Variants in CACUL1 observed in about 807,000 individuals in gnomAD.
CACUL1 encodes the protein CDK2-associated and cullin domain-containing protein 1.
Under a neutral mutation model 45.2 loss-of-function variants are expected in CACUL1, and 13 were observed. The ratio of observed to expected loss-of-function variants is 0.29; its 90% CI spans 0.19 to 0.46. The LOEUF is 0.46. Ranked by LOEUF, CACUL1 falls within the 20% of genes least tolerant of loss-of-function variation. The pLI is 1.00. For missense variants in CACUL1, 421 were observed against 471.4 expected (o/e 0.89, Z 0.99); for synonymous variants, 197 against 174.2 (o/e 1.13, Z -1.03).
intron 3 of CACUL1, among the ~76,000 whole-genome samples, chr10:118,708,147 CAAAAAAA>C (rs34008762): frequency 7.7e-5 from 8 of 104,028 alleles, no homozygotes; most frequent in Non-Finnish European, 1.1e-4. Context: ...AACACTGTCT[CAAAAAAA>C]AAAAAAAAAA....
chr10:118,736,636 T>A (rs1174419361), intron 1 of CACUL1, among the ~76,000 whole-genome samples: 1 of 152,134 alleles, frequency 6.6e-6, no homozygotes, highest in East Asian at 1.9e-4. Context: ...AGCCACAGCA[T>A]CTGGCCAGAA....
intron 8 of CACUL1, 32 bp from the exon 9 acceptor site, chr10:118,686,200 A>C: frequency 6.4e-7 from 1 of 1,573,552 alleles, no homozygotes; most frequent in South Asian, 1.1e-5. Flanking sequence ...AAAAAGTATG[A>C]AGAGCAGACA....
chr10:118,726,018 T>C (rs1845648775), intron 3 of CACUL1, among the ~76,000 whole-genome samples: 1 of 152,240 alleles, frequency 6.6e-6, no homozygotes, highest in Non-Finnish European at 1.5e-5. Context: ...ATCATTGATT[T>C]ATCAACTCCA....
intron 1 of CACUL1, among the ~76,000 whole-genome samples, chr10:118,744,268 C>T (rs1182294605): frequency 6.6e-6 from 1 of 152,130 alleles, no homozygotes; most frequent in African/African-American, 2.4e-5. Flanking sequence ...TGCTTGTAGT[C>T]CCAGCCACTC....
At chr10:118,743,506 C>A (rs371985528) in intron 1 of CACUL1, among the ~76,000 whole-genome samples, 40 of 152,120 alleles carry the variant, frequency 2.6e-4, no homozygotes, top group African/African-American at 9.4e-4. Context: ...GGTGCAGTGG[C>A]TCACCTAAGG....
intron 3 of CACUL1, among the ~76,000 whole-genome samples, chr10:118,727,987 C>T (rs966999791): frequency 6.6e-6 from 1 of 152,144 alleles, no homozygotes; most frequent in South Asian, 2.1e-4. Context: ...AAGCACTAAA[C>T]ATATGTGTTA....
intron 6 of CACUL1, among the ~76,000 whole-genome samples, chr10:118,691,825 C>G (rs1377615398): frequency 7.0e-6 from 1 of 142,056 alleles, no homozygotes; most frequent in African/African-American, 2.7e-5. Flanking sequence ...CGAGATCGCA[C>G]CACTGCACTC....
chr10:118,726,677 G>GA (rs1357785300), intron 3 of CACUL1, among the ~76,000 whole-genome samples: 2 of 151,930 alleles, frequency 1.3e-5, no homozygotes, highest in Non-Finnish European at 2.9e-5. Flanking sequence ...GGAAGCAGAA[G>GA]AAAAAATACC....
chr10:118,709,895 T>C (rs922087720), intron 3 of CACUL1, among the ~76,000 whole-genome samples: 5 of 152,134 alleles, frequency 3.3e-5, no homozygotes, highest in African/African-American at 1.2e-4. Flanking sequence ...ATTTCTTTTT[T>C]TTAAATTATT....
At chr10:118,737,151 A>C (rs866300575) in intron 1 of CACUL1, among the ~76,000 whole-genome samples, 4 of 151,468 alleles carry the variant, frequency 2.6e-5, no homozygotes, top group East Asian at 1.9e-4. Context: ...AAAAAAAAAA[A>C]CCTGTATCAT....
intron 3 of CACUL1, chr10:118,726,183 G>T: frequency 2.1e-6 from 1 of 475,446 alleles, no homozygotes; most frequent in Non-Finnish European, 3.7e-6. Context: ...ACCGTCTCTT[G>T]ATCTGTCCCC....
intron 7 of CACUL1, among the ~76,000 whole-genome samples, chr10:118,690,278 G>C (rs528305169): frequency 7.1e-6 from 1 of 141,416 alleles, no homozygotes; most frequent in Non-Finnish European, 1.5e-5. Context: ...TCCGCAGTCC[G>C]GCCTGGGCGA....
intron 1 of CACUL1, among the ~76,000 whole-genome samples, chr10:118,743,733 A>G (rs972951571): frequency 1.3e-5 from 2 of 152,164 alleles, no homozygotes; most frequent in Non-Finnish European, 2.9e-5. Flanking sequence ...CCGTCCCCAA[A>G]AAAAGGAAAA....
In CACUL1 at chr10:118,754,508, A is replaced by C. The variant is rs776174213; in HGVS notation, c.255T>G (p.Asn85Lys). Residue 85 changes from asparagine to lysine, a missense_variant, in exon 1 of 9, where the codon AAT (asparagine) becomes AAG (lysine). By Grantham distance (94) the Asn-to-Lys change is moderately conservative. Around this residue, in one of 2 missense-constraint regions of CACUL1, gnomAD observed 213 missense variants for 173.1 expected, o/e 1.23. Coordinates refer to ENST00000369151, the MANE Select transcript of CACUL1 (RefSeq NM_153810.5). Reference protein sequence around the residue: ...PMGPQPPPEANGVIMMLKSCD... With the variant: ...PMGPQPPPEAKGVIMMLKSCD... Reference sequence around the variant, plus strand: ...AGCTCTTCAACATCATGATCACCCCATTAGCCTCCGGCGGTGGCTGCGGCC... The same window carrying C: ...AGCTCTTCAACATCATGATCACCCCCTTAGCCTCCGGCGGTGGCTGCGGCC... 1.9e-6 allele frequency: 3 copies of C among 1,613,324 alleles called. No homozygotes were observed. Among genetic ancestry groups the C allele is most frequent in the Non-Finnish European group, 2.5e-6 (3 of 1,179,654 alleles).
intron 5 of CACUL1, among the ~76,000 whole-genome samples, chr10:118,696,700 C>T (rs1845326892): frequency 6.6e-6 from 1 of 152,272 alleles, no homozygotes; most frequent in Non-Finnish European, 1.5e-5. Context: ...TACTAGGCCG[C>T]ATGCGGCCCG....
At chr10:118,720,087 T>C (rs1422818968) in intron 3 of CACUL1, among the ~76,000 whole-genome samples, 1 of 152,202 alleles carries the variant, frequency 6.6e-6, no homozygotes, top group African/African-American at 2.4e-5. Context: ...CTTTTACTTC[T>C]TAAGCTATTA....
intron 5 of CACUL1, 56 bp downstream of exon 5, chr10:118,701,250 G>A (rs1481962229): frequency 2.0e-6 from 2 of 985,500 alleles, no homozygotes; most frequent in South Asian, 4.0e-5. Flanking sequence ...AAAAAAAAAA[G>A]AAAAAGGAAA....
At chr10:118,736,773 A>T (rs1320055682) in intron 1 of CACUL1, among the ~76,000 whole-genome samples, 1 of 152,190 alleles carries the variant, frequency 6.6e-6, no homozygotes, top group Non-Finnish European at 1.5e-5. Context: ...TGGAAGTTCC[A>T]ATCATGATAG....
At chr10:118,713,120 C>T (rs1292570950) in intron 3 of CACUL1, among the ~76,000 whole-genome samples, 1 of 152,200 alleles carries the variant, frequency 6.6e-6, no homozygotes, top group Non-Finnish European at 1.5e-5. Context: ...GCCCAAAGTC[C>T]GGAGGGGGCC....
Sources: gnomAD v4.1 joint callset for allele counts (sites outside exome capture counted in the v4.1 genomes callset) on GRCh38, gnomAD v4.1.1 for gene constraint, gnomAD v4.1.1 regional missense constraint, MANE v1.5 for transcripts, NCBI Gene and HGNC (gene_info 2026-07-23, HGNC 2026-07-21) for gene names.